Variants in CDH18 observed in about 807,000 individuals in gnomAD.
The protein encoded by CDH18 is cadherin-18.
A neutral mutation model predicts 67.9 loss-of-function variants in CDH18; 31 were observed. The ratio of observed to expected loss-of-function variants is 0.46; its 90% CI spans 0.34 to 0.62. The LOEUF (loss-of-function observed/expected upper bound fraction) is 0.62. Ranked by LOEUF, CDH18 falls within the 20% of genes least tolerant of loss-of-function variation. The probability of loss-of-function intolerance (pLI) is 0.01; values close to 1 mark genes in which losing one functional copy is unlikely to be tolerated. For synonymous variants in CDH18, 362 were observed against 347.2 expected (o/e 1.04, Z -0.48); for missense variants, 890 against 975.5 (o/e 0.91, Z 1.17).
intron 1 of CDH18, among the ~76,000 whole-genome samples, chr5:20,467,769 C>A (rs991147618): frequency 6.6e-6 from 1 of 151,978 alleles, no homozygotes; most frequent in Non-Finnish European, 1.5e-5. Flanking sequence ...TAATTTCTGG[C>A]TCAAATAACT....
intron 11 of CDH18, among the ~76,000 whole-genome samples, chr5:19,499,230 T>A (rs1742833927): frequency 6.6e-6 from 1 of 152,206 alleles, no homozygotes; most frequent in African/African-American, 2.4e-5. Flanking sequence ...GTTTCTGATC[T>A]CTTTTTAAGA....
intron 2 of CDH18, among the ~76,000 whole-genome samples, chr5:20,130,682 G>A (rs1020274583): frequency 1.3e-5 from 2 of 151,860 alleles, no homozygotes; most frequent in African/African-American, 4.8e-5. Flanking sequence ...TAAGAGATTC[G>A]TGAATAATCT....
At chr5:20,461,366 C>T (rs934791714) in intron 1 of CDH18, among the ~76,000 whole-genome samples, 1 of 152,122 alleles carries the variant, frequency 6.6e-6, no homozygotes, top group Non-Finnish European at 1.5e-5. Flanking sequence ...CTTTAGACAT[C>T]TTCTTCAACT....
chr5:20,302,773 C>G (rs551716020), intron 1 of CDH18, among the ~76,000 whole-genome samples: 1 of 152,354 alleles, frequency 6.6e-6, no homozygotes, highest in African/African-American at 2.4e-5. Flanking sequence ...AGCCCTTGGG[C>G]ACTGACCCTG....
intron 2 of CDH18, among the ~76,000 whole-genome samples, chr5:19,966,840 T>C (rs1250528849): frequency 6.6e-6 from 1 of 152,064 alleles, no homozygotes; most frequent in African/African-American, 2.4e-5. Context: ...AGTATTCTCA[T>C]ACTTTGAGAG....
chr5:20,520,406 T>C (rs1755674332), intron 1 of CDH18, among the ~76,000 whole-genome samples: 1 of 151,918 alleles, frequency 6.6e-6, no homozygotes, highest in African/African-American at 2.4e-5. Context: ...TATGGAAACG[T>C]TATGGTAGAG....
rs528402660 is a variant in CDH18 at position 20,432,904 on chromosome 5, A to G, written c.-580+142558T>C. Among the ~76,000 whole-genome samples, 9 of 149,276 alleles carry G rather than the reference A, an allele frequency of 6.0e-5. No individual in the cohort carries two copies. The South Asian group carries it at 1.5e-3, about 24-fold the overall frequency. ...TAAAAATTAAAAAAAATTATATAATATATATTTTAGGCCTCTTATAGATAT... is the reference window on the plus strand; with the variant it reads ...TAAAAATTAAAAAAAATTATATAATGTATATTTTAGGCCTCTTATAGATAT... On this transcript the variant is annotated intron_variant, in intron 1 of 14. Transcript: ENST00000507958.
chr5:19,849,540 G>A (rs1332776844), intron 2 of CDH18, among the ~76,000 whole-genome samples: 1 of 150,814 alleles, frequency 6.6e-6, no homozygotes. Flanking sequence ...TGTTGAATTT[G>A]TTAATATTTA....
At chr5:20,219,887 T>C (rs1045419903) in intron 2 of CDH18, among the ~76,000 whole-genome samples, 1 of 151,510 alleles carries the variant, frequency 6.6e-6, no homozygotes, top group African/African-American at 2.4e-5. Context: ...GTAGAGATAA[T>C]AAAATAAAAT....
chr5:19,638,991 T>G (rs1753620260), intron 5 of CDH18, among the ~76,000 whole-genome samples: 1 of 103,906 alleles, frequency 9.6e-6, no homozygotes, highest in Non-Finnish European at 2.2e-5. Flanking sequence ...TTTTTTTTTT[T>G]TTTTTTTTTT....
intron 1 of CDH18, among the ~76,000 whole-genome samples, chr5:20,344,935 C>A (rs1216166411): frequency 2.6e-5 from 4 of 152,162 alleles, no homozygotes; most frequent in African/African-American, 9.7e-5. Context: ...TTTGTTCTAA[C>A]TTGCATAGTT....
intron 1 of CDH18, among the ~76,000 whole-genome samples, chr5:20,317,308 T>C (rs904144793): frequency 9.9e-5 from 15 of 152,110 alleles, no homozygotes; most frequent in Admixed American, 3.3e-4. Context: ...TTTCATATTC[T>C]TTGACTTGGA....
At chr5:19,733,027 C>T (rs139751294) in intron 4 of CDH18, among the ~76,000 whole-genome samples, 28 of 152,162 alleles carry the variant, frequency 1.8e-4, no homozygotes, top group African/African-American at 6.5e-4. Flanking sequence ...CAGGGAGTAG[C>T]TAATATCGGT....
At chr5:19,830,434 A>G in intron 3 of CDH18, among the ~76,000 whole-genome samples, 1 of 152,196 alleles carries the variant, frequency 6.6e-6, no homozygotes, top group Non-Finnish European at 1.5e-5. Flanking sequence ...GCATATGAAA[A>G]AACACACAAC....
intron 1 of CDH18, among the ~76,000 whole-genome samples, chr5:20,453,529 G>A (rs4594856): frequency 0.79 from 119,731 of 151,940 alleles, 47,411 homozygotes; most frequent in Admixed American, 0.86. Context: ...CAATCAACCT[G>A]TCTATAGATA....
intron 6 of CDH18, among the ~76,000 whole-genome samples, chr5:19,608,520 AT>A (rs1748442884): frequency 6.6e-6 from 1 of 151,692 alleles, no homozygotes; most frequent in African/African-American, 2.4e-5. Flanking sequence ...CCCAAAAAAA[AT>A]CAATGCCAAT....
At chr5:19,722,952 C>T (rs1164544490) in intron 4 of CDH18, among the ~76,000 whole-genome samples, 5 of 151,992 alleles carry the variant, frequency 3.3e-5, no homozygotes, top group South Asian at 2.1e-4. Flanking sequence ...CTTCTAGGCC[C>T]GGGCATGGTG....
At chr5:20,323,635 C>G (rs1242871279) in intron 1 of CDH18, among the ~76,000 whole-genome samples, 2 of 152,186 alleles carry the variant, frequency 1.3e-5, no homozygotes, top group African/African-American at 2.4e-5. Flanking sequence ...TGGTATACAT[C>G]ATATCCAGAG....
chr5:19,997,960 T>C (rs1736143401), intron 2 of CDH18, among the ~76,000 whole-genome samples: 1 of 152,134 alleles, frequency 6.6e-6, no homozygotes, highest in South Asian at 2.1e-4. Flanking sequence ...TTTAAAGATG[T>C]TCATAAAACC....
Sources: gnomAD v4.1 joint callset for allele counts (sites outside exome capture counted in the v4.1 genomes callset) on GRCh38, gnomAD v4.1.1 for gene constraint, MANE v1.5 for transcripts, NCBI Gene and HGNC (gene_info 2026-07-23, HGNC 2026-07-21) for gene names.